Variants in NTN1 observed in about 807,000 individuals in gnomAD.
NTN1 encodes netrin-1.
Under a neutral mutation model 54.2 loss-of-function variants are expected in NTN1, and 11 were observed. That is an observed-to-expected ratio of 0.20 (90% CI 0.13 to 0.34). The LOEUF is 0.34. Ranked by LOEUF, NTN1 falls within the 10% of genes least tolerant of loss-of-function variation. The pLI is 1.00. For missense variants in NTN1, 740 were observed against 893.1 expected, an observed-to-expected ratio of 0.83 and a Z score of 2.18; for synonymous variants, 371 against 382.0, an observed-to-expected ratio of 0.97 and a Z score of 0.33.
chr17:9,231,540 C>T (rs913631474), intron 6 of NTN1, among the ~76,000 whole-genome samples: 2 of 152,224 alleles, frequency 1.3e-5, no homozygotes, highest in African/African-American at 4.8e-5. Flanking sequence ...ATGCTAACCC[C>T]ACACGGGACA....
At chr17:9,183,019 G>T in intron 5 of NTN1, 50 bp downstream of exon 5, 1 of 1,566,342 alleles carries the variant, frequency 6.4e-7, no homozygotes, top group Non-Finnish European at 8.8e-7. Context: ...GGGTGGTGGG[G>T]TGGTGGGGTG....
intron 2 of NTN1, among the ~76,000 whole-genome samples, chr17:9,136,636 G>A (rs1413573968): frequency 6.6e-6 from 1 of 152,202 alleles, no homozygotes; most frequent in Non-Finnish European, 1.5e-5. Context: ...ACAAACGCCT[G>A]TGTGCCAGCT....
intron 2 of NTN1, among the ~76,000 whole-genome samples, chr17:9,063,610 C>T (rs944485319): frequency 6.6e-6 from 1 of 151,776 alleles, no homozygotes; most frequent in Non-Finnish European, 1.5e-5. Flanking sequence ...TGCAGTGGCG[C>T]AATCTCAGCT....
chr17:9,157,475 T>C (rs1209976745), intron 2 of NTN1, among the ~76,000 whole-genome samples: 1 of 152,210 alleles, frequency 6.6e-6, no homozygotes, highest in Admixed American at 6.5e-5. Flanking sequence ...CAGGCATGTG[T>C]TGAAATAGGA....
chr17:9,174,147 A>C (rs1317188975), intron 3 of NTN1: 1 of 152,268 alleles, frequency 6.6e-6, no homozygotes, highest in Non-Finnish European at 1.5e-5. Context: ...CCTGTTGGGA[A>C]TCAGAGCCAG....
intron 2 of NTN1, among the ~76,000 whole-genome samples, chr17:9,059,588 T>C (rs532941665): frequency 1.3e-5 from 2 of 152,304 alleles, no homozygotes; most frequent in African/African-American, 4.8e-5. Context: ...ACATATGATA[T>C]GGTTACATTT....
At chr17:9,083,046 C>T (rs1450539307) in intron 2 of NTN1, among the ~76,000 whole-genome samples, 1 of 151,918 alleles carries the variant, frequency 6.6e-6, no homozygotes, top group Non-Finnish European at 1.5e-5. Flanking sequence ...ACCCTTCCCA[C>T]CCCTCATTCT....
At chr17:9,084,533 G>A (rs9913468) in intron 2 of NTN1, among the ~76,000 whole-genome samples, 8,038 of 152,030 alleles carry the variant, frequency 0.053, 581 homozygotes, top group African/African-American at 0.16. Flanking sequence ...GGGCAACACC[G>A]TAAGCCCTGG....
intron 2 of NTN1, among the ~76,000 whole-genome samples, chr17:9,092,817 G>C (rs1228362497): frequency 6.6e-6 from 1 of 151,812 alleles, no homozygotes; most frequent in African/African-American, 2.4e-5. Flanking sequence ...GGAGTGCAAT[G>C]GTGCAATCTC....
intron 5 of NTN1, among the ~76,000 whole-genome samples, chr17:9,205,876 C>G (rs777219817): frequency 3.7e-4 from 56 of 152,260 alleles, no homozygotes; most frequent in Non-Finnish European, 6.3e-4. Flanking sequence ...CTGCCTCTTC[C>G]TATGTGGCTG....
intron 3 of NTN1, among the ~76,000 whole-genome samples, chr17:9,179,427 C>T (rs765991883): frequency 3.3e-5 from 5 of 152,286 alleles, no homozygotes; most frequent in African/African-American, 4.8e-5. Flanking sequence ...ACGCATAAGC[C>T]GACCCTGTCA....
upstream of NTN1, among the ~76,000 whole-genome samples, chr17:9,018,117 G>A (rs1448141476): frequency 6.6e-6 from 1 of 152,052 alleles, no homozygotes; most frequent in Non-Finnish European, 1.5e-5. Context: ...TATTACAGGA[G>A]GTTCTAGACC....
chr17:9,125,184 C>T (rs866308205), intron 2 of NTN1, among the ~76,000 whole-genome samples: 4 of 151,786 alleles, frequency 2.6e-5, no homozygotes, highest in Non-Finnish European at 4.4e-5. Context: ...ACCCCAGTCT[C>T]CTGAGTAGCT....
At chr17:9,081,127 C>G (rs547309070) in intron 2 of NTN1, among the ~76,000 whole-genome samples, 1 of 152,250 alleles carries the variant, frequency 6.6e-6, no homozygotes, top group African/African-American at 2.4e-5. Flanking sequence ...GAGCCCTCAA[C>G]AGATGGGATT....
chr17:9,027,516 A>AT (rs1324245404), intron 2 of NTN1, among the ~76,000 whole-genome samples: 2 of 152,058 alleles, frequency 1.3e-5, no homozygotes, highest in African/African-American at 4.8e-5. Flanking sequence ...GAATGAATGG[A>AT]TGGGTGGATG....
intron 2 of NTN1, among the ~76,000 whole-genome samples, chr17:9,116,627 CA>C (rs2092213741): frequency 6.6e-6 from 1 of 152,176 alleles, no homozygotes; most frequent in Non-Finnish European, 1.5e-5. Flanking sequence ...AAACCAGGCC[CA>C]GAAAACACTG....
intron 2 of NTN1, among the ~76,000 whole-genome samples, chr17:9,026,942 A>C (rs567094530): frequency 7.0e-6 from 1 of 141,930 alleles, no homozygotes; most frequent in African/African-American, 2.7e-5. Flanking sequence ...CAAGACGAGC[A>C]CCGTGCTGGG....
chr17:9,139,231 C>T (rs1444768052), intron 2 of NTN1, among the ~76,000 whole-genome samples: 1 of 152,128 alleles, frequency 6.6e-6, no homozygotes, highest in Non-Finnish European at 1.5e-5. Context: ...GCTAGGGCAG[C>T]TTTCTGATCA....
chr17:9,050,500 T>A (rs2142198294), intron 2 of NTN1, among the ~76,000 whole-genome samples: 1 of 150,730 alleles, frequency 6.6e-6, no homozygotes, highest in Admixed American at 6.6e-5. Flanking sequence ...CGAAACCCCA[T>A]CTCTACTAAA....
Sources: gnomAD v4.1 joint callset for allele counts (sites outside exome capture counted in the v4.1 genomes callset) on GRCh38, gnomAD v4.1.1 for gene constraint, MANE v1.5 for transcripts, NCBI Gene and HGNC (gene_info 2026-07-23, HGNC 2026-07-21) for gene names.